Variants in PRKCZ observed in about 807,000 individuals in gnomAD.
PRKCZ encodes the protein protein kinase C zeta type.
A neutral mutation model predicts 79.5 loss-of-function variants in PRKCZ; 33 were observed. The observed-to-expected ratio is 0.41, with a 90% CI of 0.31 to 0.55. The LOEUF is 0.55. PRKCZ is among the 20% of genes least tolerant of loss of function. The pLI, the probability that PRKCZ is intolerant of heterozygous loss-of-function variation, is 0.19. For missense variants in PRKCZ, 578 were observed against 813.5 expected (o/e 0.71, Z 3.52); for synonymous variants, 342 against 320.9 (o/e 1.07, Z -0.70).
At chr1:2,104,180 G>A (rs1667973488) in intron 4 of PRKCZ, among the ~76,000 whole-genome samples, 1 of 152,186 alleles carries the variant, frequency 6.6e-6, no homozygotes, top group African/African-American at 2.4e-5. Flanking sequence ...AGGGGCTGAG[G>A]CTTGCAGGGT....
At position 2,135,314 on chromosome 1, in the gene PRKCZ, C is replaced by A. The variant is rs747337134; in HGVS notation, c.387C>A (p.Asn129Lys). The change falls in exon 5 of 18, where the codon AAC becomes AAA. Residue 129 changes from asparagine (N) to lysine (K), a missense_variant. Transcript: ENST00000378567. The stretch of plus-strand genomic sequence containing the variant: ...GATGGAGGAAGCTGTACCGTGCCAA[C>A]GGCCACCTCTTCCAAGCCAAGCGCT... The part of the protein sequence containing the change: ...ARRWRKLYRA[N>K]GHLFQAKRFN... 6.2e-7 allele frequency: 1 copy of A among 1,613,384 alleles called. No individual in the cohort carries two copies. The highest frequency in any genetic ancestry group is 8.5e-7 in the Non-Finnish European group (1 of 1,179,784).
At position 2,178,736 on chromosome 1, in the gene PRKCZ, G is replaced by C. The variant is rs1685964011; in HGVS notation, c.1575+3423G>C. ...CTGTAGTGGGCACAGCTTGAGAACA[G>C]TCCCTCGGTGGGTGTCAGCTCCATG... is the stretch of plus-strand genomic sequence containing the variant. On this transcript the variant is annotated intron_variant, in intron 16 of 17. Transcript: ENST00000378567. This position sits in a 1 kb window ranked among gnomAD's most constrained non-coding sequence, Gnocchi z 4.3. 6.6e-6 allele frequency among the ~76,000 whole-genome samples: 1 copy of C among 152,210 alleles called. No homozygotes were observed. The highest frequency in any genetic ancestry group is 1.9e-4 in the East Asian group (1 of 5,192).
rs562159894 is a variant in PRKCZ, at chr1:2,156,396, T to G, written c.974+304T>G. 2.0e-5 allele frequency: 6 copies of G among 296,720 alleles called. No homozygotes were observed. In the East Asian group the frequency reaches 4.5e-4, roughly 22 times the overall value. The allele number at this position is 296,720 out of a possible 1,614,324, so 18.4% of individuals were successfully genotyped here. On this transcript the variant is annotated intron_variant, in intron 10 of 17. Transcript: ENST00000378567. ...AGCAAAAGAGGTGGATTTCTGTGCT[T>G]ATTAAAATATGTACAGCTTCACCTT...
chr1:2,091,058 TCTCA>T (rs560309982), intron 4 of PRKCZ, among the ~76,000 whole-genome samples: 44 of 152,220 alleles, frequency 2.9e-4, no homozygotes, highest in African/African-American at 1.0e-3. Context: ...TGAGCTGGAG[TCTCA>T]CTCTTGTTGC....
In PRKCZ at chr1:2,058,377, C is replaced by T. The variant is rs572133627; in HGVS notation, c.284-1164C>T. On this transcript the variant is annotated intron_variant, in intron 3 of 17. Coordinates refer to ENST00000378567, the MANE Select transcript of PRKCZ (RefSeq NM_002744.6). Reference sequence around the variant, plus strand: ...CCTGTAGTCCCAGTTACTCGGGAGGCTGAGGTGGGAGGATTCCTTGAGCAC... The same window carrying T: ...CCTGTAGTCCCAGTTACTCGGGAGGTTGAGGTGGGAGGATTCCTTGAGCAC... 6.9e-5 allele frequency among the ~76,000 whole-genome samples: 10 copies of T among 144,726 alleles called. No individual in the cohort carries two copies. The South Asian group carries it at 2.2e-3, about 32-fold the overall frequency. 94.9% of individuals were successfully genotyped at this position (144,726 alleles called of 152,430 possible).
At position 2,174,137 on chromosome 1, in the gene PRKCZ, G is replaced by A. The variant is rs1430187348; in HGVS notation, c.1405+121G>A. ...GCGGCAGTGCCATGCAAAGCGTACC[G>A]GGAACCATTCCTCCTGGCCAGACCC... On this transcript the variant is annotated intron_variant, in intron 14 of 17. Transcript: ENST00000378567. The surrounding 1 kb of genome is among the most constrained non-coding windows in gnomAD (Gnocchi z 6.2). 7.7e-7 allele frequency: 1 copy of A among 1,301,504 alleles called. No homozygotes were observed. The highest frequency in any genetic ancestry group is 1.0e-6 in the Non-Finnish European group (1 of 980,108). The allele number at this position is 1,301,504 out of a possible 1,614,324, so 80.6% of individuals were successfully genotyped here. A position where few individuals can be genotyped will look rare whatever the true frequency, so the allele number is the denominator to read the frequency against.
intron 4 of PRKCZ, among the ~76,000 whole-genome samples, chr1:2,060,930 G>T (rs954632209): frequency 6.6e-6 from 1 of 152,188 alleles, no homozygotes; most frequent in South Asian, 2.1e-4. Context: ...GGGTGCCCAC[G>T]CCTCACGGAC....
At chr1:2,171,370 A>T (rs1262051961) in intron 11 of PRKCZ, among the ~76,000 whole-genome samples, 13 of 135,216 alleles carry the variant, frequency 9.6e-5, no homozygotes, top group African/African-American at 3.7e-4. Context: ...GTCATATTTA[A>T]TTTTTTTTTT....
At chr1:2,144,106 C>T (rs1009796239) in intron 5 of PRKCZ, 104 bp from the exon 6 acceptor site, 1 of 1,454,154 alleles carries the variant, frequency 6.9e-7, no homozygotes, top group Admixed American at 2.3e-5. Flanking sequence ...TGTTGCCCGG[C>T]TCAGTGTCCT....
chr1:2,133,054 A>C (rs1675313108), intron 4 of PRKCZ, among the ~76,000 whole-genome samples: 2 of 152,080 alleles, frequency 1.3e-5, no homozygotes, highest in Admixed American at 1.3e-4. Flanking sequence ...GAGTTTGTTC[A>C]CCCTGCTGGA....
intron 4 of PRKCZ, among the ~76,000 whole-genome samples, chr1:2,060,104 A>G (rs1242146920): frequency 6.6e-6 from 1 of 152,200 alleles, no homozygotes; most frequent in East Asian, 1.9e-4. Context: ...GGCCCTGAGC[A>G]GGTGGCTACG....
intron 1 of PRKCZ, among the ~76,000 whole-genome samples, chr1:2,054,426 AG>A (rs1659965006): frequency 1.3e-5 from 2 of 151,898 alleles, no homozygotes; most frequent in African/African-American, 4.8e-5. Flanking sequence ...GCAGGAGGTG[AG>A]GGGGGACCTC....
rs376886915 is a variant in PRKCZ, at chr1:2,120,132, C to G, written c.335-15130C>G. ...CACTGCCACCCCTGGAAGGCAACAT[C>G]TCTTTTCTCTGACTCCTGTTAAAAG... On this transcript the variant is annotated intron_variant, in intron 4 of 17. Coordinates refer to ENST00000378567, the MANE Select transcript of PRKCZ (RefSeq NM_002744.6). Among the ~76,000 whole-genome samples, 310 of 152,180 alleles carry G rather than the reference C, an allele frequency of 2.0e-3. 12 individuals carry two copies. The South Asian group carries it at 0.061, about 30-fold the overall frequency.
In PRKCZ at chr1:2,151,025, C is replaced by A. The variant is rs771437062; in HGVS notation, c.876+47C>A. On this transcript the variant is annotated intron_variant, in intron 9 of 17. Transcript: ENST00000378567. ...GCCCGGGGGCCCGGGAACGCGCTGCCCTGGGGCCTCCTCCGGGCTTTAGCG... is the reference window on the plus strand; with the variant it reads ...GCCCGGGGGCCCGGGAACGCGCTGCACTGGGGCCTCCTCCGGGCTTTAGCG... 1.9e-6 allele frequency: 3 copies of A among 1,596,202 alleles called. No homozygotes were observed. In the Admixed American group the frequency reaches 5.2e-5, roughly 28 times the overall value.
At chr1:2,179,204 C>T (rs1379938447) in intron 16 of PRKCZ, among the ~76,000 whole-genome samples, 1 of 152,230 alleles carries the variant, frequency 6.6e-6, no homozygotes, top group Non-Finnish European at 1.5e-5. Flanking sequence ...CTCCGCCGGT[C>T]CAGGCACATC....
chr1:2,092,196 A>C (rs1571306118), intron 4 of PRKCZ, among the ~76,000 whole-genome samples: 3 of 147,178 alleles, frequency 2.0e-5, no homozygotes, highest in East Asian at 2.0e-4. Context: ...TTGTCCCCTC[A>C]CCCCCGCCGC....
chr1:2,114,982 A>G (rs1670462916), intron 4 of PRKCZ, among the ~76,000 whole-genome samples: 1 of 152,262 alleles, frequency 6.6e-6, no homozygotes, highest in East Asian at 1.9e-4. Flanking sequence ...TTTACAAAGC[A>G]AACTGCACCG....
Position 2,092,201 on chromosome 1 carries a change from C to T in PRKCZ, c.334+32610C>T, listed in dbSNP as rs576103030. On this transcript the variant is annotated intron_variant, in intron 4 of 17. Coordinates refer to ENST00000378567, the MANE Select transcript of PRKCZ (RefSeq NM_002744.6). ...TCCCAGGGCTTTGTCCCCTCACCCC[C>T]GCCGCCCTCCCCCTGTTTTCCTACG... Among the ~76,000 whole-genome samples, 14 of 152,246 alleles carry T rather than the reference C, an allele frequency of 9.2e-5. No individual in the cohort carries two copies. The East Asian group carries it at 1.7e-3, about 19-fold the overall frequency.
intron 4 of PRKCZ, among the ~76,000 whole-genome samples, chr1:2,091,589 G>C (rs1395423205): frequency 6.6e-6 from 1 of 152,118 alleles, no homozygotes; most frequent in Non-Finnish European, 1.5e-5. Flanking sequence ...TGTGGGTCTA[G>C]TTTGCCTCTC....
Sources: allele counts gnomAD v4.1 joint callset (sites outside exome capture counted in the v4.1 genomes callset), GRCh38; gene constraint gnomAD v4.1.1; non-coding constraint Gnocchi (gnomAD v3.1); transcripts MANE v1.5; gene names NCBI Gene and HGNC (gene_info 2026-07-23, HGNC 2026-07-21).